Variants in LAD1 observed in about 807,000 individuals in gnomAD.
LAD1 encodes ladinin 1.
Under a neutral mutation model 54.2 loss-of-function variants are expected in LAD1, and 53 were observed. That is an observed-to-expected ratio of 0.98 (90% CI 0.78 to 1.23). The LOEUF is 1.23. LAD1 is among the 50% of genes most tolerant of loss of function. The pLI is 0.00. For synonymous variants in LAD1, 231 were observed against 257.7 expected (o/e 0.90, Z 0.99); for missense variants, 637 against 653.3 (o/e 0.98, Z 0.27).
At chr1:201,384,692 C>A (rs759757358) in intron 5 of LAD1, 100 bp downstream of exon 5, 1 of 1,213,578 alleles carries the variant, frequency 8.2e-7, no homozygotes, top group Non-Finnish European at 1.2e-6. Flanking sequence ...CCCTCATGTG[C>A]CCTACCGCAC....
rs1241011008 is a variant in LAD1 at position 201,383,076 on chromosome 1, T to G, written c.1384A>C (p.Lys462Gln). 2 of 1,611,692 alleles carry G rather than the reference T, an allele frequency of 1.2e-6. No homozygotes were observed. The highest frequency in any genetic ancestry group is 1.7e-6 in the Non-Finnish European group (2 of 1,178,254). Residue 462 changes from lysine to glutamine, a missense_variant and splice_region_variant, in exon 7 of 10, where the codon AAG (lysine) becomes CAG (glutamine). Coordinates refer to ENST00000391967, the MANE Select transcript of LAD1 (RefSeq NM_005558.4). ...CCTGTGGGGCCTGAGCCCCTCACCTTCCGGCTGGAGGCTGGTTCTGCTCGG... is the reference window on the plus strand; with the variant it reads ...CCTGTGGGGCCTGAGCCCCTCACCTGCCGGCTGGAGGCTGGTTCTGCTCGG... The part of the protein sequence containing the change: ...QSRAEPASSR[K>Q]ENLRLSGVVT...
At chr1:201,398,590 G>A (rs1662342301) in intron 1 of LAD1, among the ~76,000 whole-genome samples, 1 of 152,128 alleles carries the variant, frequency 6.6e-6, no homozygotes, top group South Asian at 2.1e-4. Flanking sequence ...CCTTCCCCAG[G>A]CCTCTCGGAC....
chr1:201,386,706 C>CTATCTTCTCTGATAGAGA lies in LAD1; in HGVS notation c.637_654dup (p.Ser213_Ile218dup). The CTATCTTCTCTGATAGAGA allele has an allele frequency of 6.2e-7, 1 of 1,614,198 alleles. No homozygotes were observed. The highest frequency in any genetic ancestry group is 1.1e-5 in the South Asian group (1 of 91,080). On this transcript the variant is annotated inframe_insertion, in exon 3 of 10. Transcript: ENST00000391967. ...GAGCTGTTTCTTTTCTCTGACACTG[C>CTATCTTCTCTGATAGAGA]TATCTTCTCTGATAGAGATGTCTTC...
intron 2 of LAD1, among the ~76,000 whole-genome samples, chr1:201,388,248 G>T (rs541449512): frequency 1.3e-5 from 2 of 152,186 alleles, no homozygotes; most frequent in South Asian, 4.2e-4. Flanking sequence ...AAAATTATCC[G>T]GGCATGGTGG....
chr1:201,388,480 C>T (rs990366209), intron 2 of LAD1, among the ~76,000 whole-genome samples: 2 of 151,774 alleles, frequency 1.3e-5, no homozygotes, highest in East Asian at 1.9e-4. Flanking sequence ...GTCAACAGAT[C>T]GAGACCATCC....
rs1182863391 is a variant in LAD1 at position 201,381,752 on chromosome 1, C to G, written c.*136G>C. On this transcript the variant is annotated 3_prime_UTR_variant, in exon 10 of 10. Coordinates refer to ENST00000391967, the MANE Select transcript of LAD1 (RefSeq NM_005558.4). ...TTGCAAATATTCCTGACCCCAGGGA[C>G]CCTGGCCAAACAGATCCACAGGCAA... 4.1e-6 allele frequency: 4 copies of G among 984,284 alleles called. No homozygotes were observed. The African/African-American group carries it at 6.4e-5, about 16-fold the overall frequency. The allele number at this position is 984,284 out of a possible 1,614,324, so 61.0% of individuals were successfully genotyped here.
chr1:201,390,982 C>G, intron 1 of LAD1: 1 of 385,210 alleles, frequency 2.6e-6, no homozygotes. Context: ...TAGGTAATAT[C>G]CATCAGTGGA....
Position 201,385,777 on chromosome 1 carries a change from G to A in LAD1, c.1055C>T (p.Ala352Val). The change falls in exon 4 of 10, where the codon GCA (alanine) becomes GTA (valine). Residue 352 changes from alanine to valine, a missense_variant. Coordinates refer to ENST00000391967, the MANE Select transcript of LAD1 (RefSeq NM_005558.4). Reference sequence around the variant, plus strand: ...TCGCTGTGTGGGTGAGGACATATCTGCCTCTTCCTCCTTGCTGGGGATTTT... The same window carrying A: ...TCGCTGTGTGGGTGAGGACATATCTACCTCTTCCTCCTTGCTGGGGATTTT... ...QVKIPSKEEE[A>V]DMSSPTQRTY... 1 of 1,613,922 alleles carries A rather than the reference G, an allele frequency of 6.2e-7. No individual in the cohort carries two copies. Among genetic ancestry groups the A allele is most frequent in the East Asian group, 2.2e-5 (1 of 44,894 alleles).
chr1:201,384,896 G>T, intron 4 of LAD1, 61 bp from the exon 5 acceptor site: 1 of 1,529,330 alleles, frequency 6.5e-7, no homozygotes, highest in Non-Finnish European at 9.0e-7. Context: ...TGGCCCCCTC[G>T]AGTGAGGAGC....
chr1:201,390,957 TGGTCCTGGGA>T, intron 1 of LAD1: 1 of 365,434 alleles, frequency 2.7e-6, no homozygotes, highest in African/African-American at 2.1e-5. Flanking sequence ...TTTCTCTTTT[TGGTCCTGGGA>T]TTCTTAGGTA....
chr1:201,384,714 A>C, intron 5 of LAD1, 78 bp downstream of exon 5: 1 of 1,438,316 alleles, frequency 7.0e-7, no homozygotes, highest in Non-Finnish European at 9.8e-7. Flanking sequence ...GCCTGGCACA[A>C]GGAGGGCGGG....
rs987341899 is a variant in LAD1, at chr1:201,386,527, C to G, written c.834G>C (p.Lys278Asn). ...ASEKSPTADA[K>N]PAPKRATASE... ...AGGCTGTGGCCCTCTTTGGGGCCGG[C>G]TTAGCATCTGCAGTTGGGCTCTTCT... Residue 278 changes from lysine to asparagine, a missense_variant, in exon 3 of 10, where the codon AAG becomes AAC. Transcript: ENST00000391967. 6.2e-7 allele frequency: 1 copy of G among 1,606,076 alleles called. No homozygotes were observed. Among genetic ancestry groups the G allele is most frequent in the Non-Finnish European group, 8.5e-7 (1 of 1,176,672 alleles).
At chr1:201,394,716 A>G (rs1005553303) in intron 1 of LAD1, among the ~76,000 whole-genome samples, 1 of 152,122 alleles carries the variant, frequency 6.6e-6, no homozygotes, top group African/African-American at 2.4e-5. Context: ...GTGAGGCCAC[A>G]CCTCCAGCTC....
intron 5 of LAD1, among the ~76,000 whole-genome samples, chr1:201,384,030 G>A (rs1662023745): frequency 6.6e-6 from 1 of 152,224 alleles, no homozygotes; most frequent in African/African-American, 2.4e-5. Context: ...AGCAGGTGCA[G>A]CTACTCCTGA....
intron 4 of LAD1, among the ~76,000 whole-genome samples, chr1:201,385,052 G>T (rs933749164): frequency 2.0e-5 from 3 of 152,116 alleles, no homozygotes; most frequent in African/African-American, 7.2e-5. Flanking sequence ...CACTAATATG[G>T]GTCAGAAGAC....
rs1255855409 is a variant in LAD1 at position 201,382,680 on chromosome 1, G to C, written c.1446C>G (p.Thr482=). 1 of 1,607,246 alleles carries C rather than the reference G, an allele frequency of 6.2e-7. No individual in the cohort carries two copies. The highest frequency in any genetic ancestry group is 1.1e-5 in the South Asian group (1 of 89,082). The change falls in exon 8 of 10, where the codon ACC becomes ACG. Residue 482 remains threonine, a synonymous_variant. Coordinates refer to ENST00000391967, the MANE Select transcript of LAD1 (RefSeq NM_005558.4). ...GGGGGTCCTGATCTCCAGATTCCTG[G>C]GTCCTGCTGATCCACAGGTTGAGCC... ...TSRLNLWISR[T]QESGDQDPQE... is the part of the protein sequence containing the mutation.
At position 201,384,841 on chromosome 1, in the gene LAD1, A is replaced by G. The variant is rs906187740; in HGVS notation, c.1132-6T>C. On this transcript the variant is annotated splice_region_variant and splice_polypyrimidine_tract_variant and intron_variant, in intron 4 of 9. Coordinates refer to ENST00000391967, the MANE Select transcript of LAD1 (RefSeq NM_005558.4). ...TTTTCTTTCTTGGGTTTCATCTGAA[A>G]TGAGAAGGAAAGGCATTGTTGTGTG... 5.0e-6 allele frequency: 8 copies of G among 1,613,796 alleles called. No homozygotes were observed. The highest frequency in any genetic ancestry group is 6.8e-6 in the Non-Finnish European group (8 of 1,180,010).
chr1:201,384,798 G>C lies in LAD1; in HGVS notation c.1169C>G (p.Thr390Ser). 1.2e-6 allele frequency: 2 copies of C among 1,614,126 alleles called. No individual in the cohort carries two copies. Among genetic ancestry groups the C allele is most frequent in the Non-Finnish European group, 1.7e-6 (2 of 1,180,026 alleles). The change falls in exon 5 of 10, where the codon ACT becomes AGT. Residue 390 changes from threonine to serine, a missense_variant. By Grantham distance (58) the Thr-to-Ser change is moderately conservative (BLOSUM62 1). Transcript: ENST00000391967. Reference sequence around the variant, plus strand: ...GAGCCTCCAGGCCCCCCACCTGCGAGTTAGGGTTGTTTCCGAGTTTTCTTT... The same window carrying C: ...GAGCCTCCAGGCCCCCCACCTGCGACTTAGGGTTGTTTCCGAGTTTTCTTT... Reference protein sequence around the residue: ...PKKENSETTLTRSASMKLPDN... With the variant: ...PKKENSETTLSRSASMKLPDN...
intron 6 of LAD1, 36 bp from the exon 7 acceptor site, chr1:201,383,247 G>A: frequency 1.2e-6 from 2 of 1,613,988 alleles, no homozygotes; most frequent in Non-Finnish European, 1.7e-6. Context: ...GACCCATGCT[G>A]GGGAGGGGAA....
Sources: allele counts gnomAD v4.1 joint callset (sites outside exome capture counted in the v4.1 genomes callset), GRCh38; gene constraint gnomAD v4.1.1; transcripts MANE v1.5; gene names NCBI Gene and HGNC (gene_info 2026-07-23, HGNC 2026-07-21).